The following SLC26A5 variants were observed in gnomAD, a reference collection of about 807,000 sequenced individuals.
SLC26A5 encodes the protein solute carrier family 26 member 5, also known as prestin.
Under a neutral mutation model 81.0 loss-of-function variants are expected in SLC26A5, and 51 were observed. The ratio of observed to expected loss-of-function variants is 0.63; its 90% CI spans 0.50 to 0.80. The LOEUF (loss-of-function observed/expected upper bound fraction) is 0.80, where lower values mean the gene tolerates loss of function less well. SLC26A5 is among the 30% of genes least tolerant of loss of function. The pLI is 0.00. For missense variants in SLC26A5, 771 were observed against 905.8 expected (o/e 0.85, Z 1.91); for synonymous variants, 325 against 332.8 (o/e 0.98, Z 0.25).
At chr7:103,384,573 T>C (rs2116416721) in intron 14 of SLC26A5, among the ~76,000 whole-genome samples, 1 of 151,996 alleles carries the variant, frequency 6.6e-6, no homozygotes, top group South Asian at 2.1e-4. Context: ...GCTGAGATCA[T>C]GCCACTGCAC....
chr7:103,427,194 C>T (rs993031318), intron 2 of SLC26A5, among the ~76,000 whole-genome samples: 1 of 151,824 alleles, frequency 6.6e-6, no homozygotes, highest in Non-Finnish European at 1.5e-5. Flanking sequence ...CTGCCTCAGC[C>T]TCCCGAGTAG....
chr7:103,389,494 G>T, intron 12 of SLC26A5, 70 bp from the exon 13 acceptor site: 2 of 1,127,378 alleles, frequency 1.8e-6, no homozygotes, highest in Non-Finnish European at 1.4e-6. Flanking sequence ...GTTCCTCACT[G>T]TCCTCCTGCT....
At chr7:103,392,794 G>T in intron 10 of SLC26A5, 125 bp downstream of exon 10, 1 of 1,179,798 alleles carries the variant, frequency 8.5e-7, no homozygotes, top group Non-Finnish European at 1.2e-6. Flanking sequence ...AGCCAGGATG[G>T]TCTCAATCTC....
chr7:103,356,739 G>C (rs188181290), intron 19 of SLC26A5, among the ~76,000 whole-genome samples: 11 of 151,746 alleles, frequency 7.2e-5, no homozygotes, highest in Non-Finnish European at 1.5e-4. Flanking sequence ...TTAACTTCTT[G>C]GTACCTTTTG....
chr7:103,435,419 T>A (rs994519623), intron 2 of SLC26A5, among the ~76,000 whole-genome samples: 10 of 152,236 alleles, frequency 6.6e-5, no homozygotes, highest in African/African-American at 2.2e-4. Context: ...TTTGTGCCAC[T>A]TTCTTCCACT....
chr7:103,397,695 C>T (rs1185161783), intron 9 of SLC26A5, among the ~76,000 whole-genome samples: 4 of 142,576 alleles, frequency 2.8e-5, no homozygotes, highest in Non-Finnish European at 4.5e-5. Flanking sequence ...CCAGCCCAGG[C>T]GACAGAGTGA....
intron 2 of SLC26A5, among the ~76,000 whole-genome samples, chr7:103,424,276 G>C (rs868818638): frequency 1.4e-4 from 21 of 151,998 alleles, no homozygotes; most frequent in Middle Eastern, 3.2e-3. Context: ...TTTATGAAAT[G>C]GGCCTATGCA....
At chr7:103,357,043 A>G (rs1016404208) in intron 19 of SLC26A5, among the ~76,000 whole-genome samples, 1 of 152,036 alleles carries the variant, frequency 6.6e-6, no homozygotes, top group Non-Finnish European at 1.5e-5. Context: ...TAAATAGTTC[A>G]GGCTGGGCAC....
intron 2 of SLC26A5, among the ~76,000 whole-genome samples, chr7:103,437,541 T>C (rs529537217): frequency 1.2e-4 from 19 of 152,342 alleles, no homozygotes; most frequent in African/African-American, 4.1e-4. Flanking sequence ...TAAGTGTTCA[T>C]TGATGGATGA....
At chr7:103,412,267 T>A (rs536964834) in intron 5 of SLC26A5, among the ~76,000 whole-genome samples, 1 of 152,298 alleles carries the variant, frequency 6.6e-6, no homozygotes, top group Non-Finnish European at 1.5e-5. Flanking sequence ...CCAGAACTAT[T>A]ATGAAATCCA....
At chr7:103,423,932 C>T (rs184968458) in intron 2 of SLC26A5, among the ~76,000 whole-genome samples, 1 of 152,302 alleles carries the variant, frequency 6.6e-6, no homozygotes, top group Non-Finnish European at 1.5e-5. Context: ...TCATCTAGCT[C>T]TTTAGGGCCA....
At chr7:103,405,331 T>C (rs1823956241) in intron 8 of SLC26A5, among the ~76,000 whole-genome samples, 1 of 152,208 alleles carries the variant, frequency 6.6e-6, no homozygotes, top group African/African-American at 2.4e-5. Context: ...TATCTACCTT[T>C]GGTCTTTGCT....
At chr7:103,380,206 T>C (rs1291515658) in intron 15 of SLC26A5, among the ~76,000 whole-genome samples, 1 of 152,152 alleles carries the variant, frequency 6.6e-6, no homozygotes, top group Non-Finnish European at 1.5e-5. Context: ...CAAACCATCC[T>C]TTCAGTTTCA....
At chr7:103,443,875 G>T (rs144319412) in intron 1 of SLC26A5, among the ~76,000 whole-genome samples, 2 of 152,310 alleles carry the variant, frequency 1.3e-5, no homozygotes, top group African/African-American at 4.8e-5. Context: ...CTGGGCACCA[G>T]GAATCCTCTG....
In SLC26A5 at chr7:103,389,339, T is replaced by C. The variant is rs964268194; in HGVS notation, c.1397A>G (p.Lys466Arg). The stretch of plus-strand genomic sequence containing the variant: ...ACCTTTGTTACTTACCAGCTCTATT[T>C]TGCTGGTTCTCCAGAAAAAGGGGAG... ...SDLPFFWRTS[K>R]IELTIWLTTF... is the part of the protein sequence containing the mutation. The change falls in exon 13 of 20, where the codon AAA becomes AGA. Residue 466 changes from lysine (K) to arginine (R), a missense_variant. Physicochemically the swap from Lys to Arg is conservative, Grantham distance 26. Coordinates refer to ENST00000306312, the MANE Select transcript of SLC26A5 (RefSeq NM_198999.3). The C allele has an allele frequency of 5.0e-6, 8 of 1,610,850 alleles. No homozygotes were observed. Among genetic ancestry groups the C allele is most frequent in the African/African-American group, 1.3e-5 (1 of 74,988 alleles).
At chr7:103,445,097 G>C (rs1047355651) in intron 1 of SLC26A5, 3 of 152,094 alleles carry the variant, frequency 2.0e-5, no homozygotes, top group Non-Finnish European at 4.4e-5. Context: ...CCCGCAAAAA[G>C]TTGATATTTT....
At chr7:103,381,010 C>T (rs1328813771) in intron 14 of SLC26A5, among the ~76,000 whole-genome samples, 2 of 151,562 alleles carry the variant, frequency 1.3e-5, no homozygotes, top group African/African-American at 4.9e-5. Flanking sequence ...CACACACATG[C>T]ATACACACAC....
In SLC26A5 at chr7:103,391,969, T is replaced by A. The variant is rs563444236; in HGVS notation, c.1120-234A>T. ...CAGAGATAAACGCTGGGCTCCCTGCTCAGCCTCCTTTCCAAACACACCCTC... is the reference window on the plus strand; with the variant it reads ...CAGAGATAAACGCTGGGCTCCCTGCACAGCCTCCTTTCCAAACACACCCTC... On this transcript the variant is annotated intron_variant, in intron 10 of 19. Coordinates refer to ENST00000306312, the MANE Select transcript of SLC26A5 (RefSeq NM_198999.3). Among the ~76,000 whole-genome samples the A allele has an allele frequency of 3.9e-5, 6 of 152,364 alleles. No individual in the cohort carries two copies. In the East Asian group the frequency reaches 1.2e-3, roughly 29 times the overall value.
At chr7:103,436,488 T>G (rs551542511) in intron 2 of SLC26A5, among the ~76,000 whole-genome samples, 146 of 152,250 alleles carry the variant, frequency 9.6e-4, no homozygotes, top group African/African-American at 3.4e-3. Flanking sequence ...CCACTGATAG[T>G]TGAAACCCAA....
Sources: allele counts gnomAD v4.1 joint callset (sites outside exome capture counted in the v4.1 genomes callset), GRCh38; gene constraint gnomAD v4.1.1; transcripts MANE v1.5; gene names NCBI Gene and HGNC (gene_info 2026-07-23, HGNC 2026-07-21).